Variants in CD109 observed in about 807,000 individuals in gnomAD.
CD109 encodes CD109 antigen.
Under a neutral mutation model 165.8 loss-of-function variants are expected in CD109, and 149 were observed. The ratio of observed to expected loss-of-function variants is 0.90; its 90% CI spans 0.79 to 1.03. The LOEUF is 1.03. CD109 is among the 50% of genes least tolerant of loss of function. The pLI is 0.00. For missense variants in CD109, 1,712 were observed against 1,677.8 expected, an observed-to-expected ratio of 1.02 and a Z score of -0.36; for synonymous variants, 585 against 592.1, an observed-to-expected ratio of 0.99 and a Z score of 0.18.
chr6:73,729,655 A>G lies in CD109; in HGVS notation c.277-689A>G, dbSNP rs376427101. On this transcript the variant is annotated intron_variant, in intron 3 of 32. Coordinates refer to ENST00000287097, the MANE Select transcript of CD109 (RefSeq NM_133493.5). The stretch of plus-strand genomic sequence containing the variant: ...AGCCTCCCGGAGTAGCTGGGACTAC[A>G]GGCGCATGCCACCACACCTGGGTGA... 2.1e-3 allele frequency among the ~76,000 whole-genome samples: 316 copies of G among 152,140 alleles called. 1 individual carries two copies. Among genetic ancestry groups the G allele is most frequent in the African/African-American group, 7.3e-3 (302 of 41,498 alleles).
chr6:73,762,853 T>C lies in CD109; in HGVS notation c.968T>C (p.Ile323Thr), dbSNP rs762993656. The change falls in exon 9 of 33, where the codon ATT becomes ACT. Residue 323 changes from isoleucine to threonine, a missense_variant. Coordinates refer to ENST00000287097, the MANE Select transcript of CD109 (RefSeq NM_133493.5). ...LDLSSPGPVE[I>T]LTTVTESVTG... ...CTATCTTCCCCTGGACCAGTAGAAA[T>C]TTTAACCACAGTGACAGAATCAGTT... The C allele has an allele frequency of 6.2e-7, 1 of 1,612,188 alleles. No individual in the cohort carries two copies. The highest frequency in any genetic ancestry group is 1.1e-5 in the South Asian group (1 of 90,546).
At chr6:73,711,245 G>A (rs1486190880) in intron 2 of CD109, among the ~76,000 whole-genome samples, 1 of 150,506 alleles carries the variant, frequency 6.6e-6, no homozygotes, top group South Asian at 2.1e-4. Flanking sequence ...TGTTTGACCT[G>A]CTTTTTTTTT....
chr6:73,725,591 C>G (rs1464221882), intron 3 of CD109, among the ~76,000 whole-genome samples: 1 of 146,798 alleles, frequency 6.8e-6, no homozygotes, highest in Non-Finnish European at 1.5e-5. Context: ...TCACTGCAAC[C>G]TCCGTTTCCC....
intron 27 of CD109, 23 bp downstream of exon 27, chr6:73,810,197 C>T: frequency 7.9e-7 from 1 of 1,261,614 alleles, no homozygotes; most frequent in East Asian, 2.8e-5. Context: ...AGTTTTTTCC[C>T]TTTAAACTAT....
Position 73,782,749 on chromosome 6 carries a change from AC to A in CD109, c.2100del (p.Asn700LysfsTer12). ...GAGACTTGGATTTGGCTAGACACCA[AC>A]ATGGGGTAAAAATTTATAAAGTTCT... ...FPETWIWLDT[N>X]MGYRIYQEFE... On this transcript the variant is annotated frameshift_variant, in exon 18 of 33. Transcript: ENST00000287097. LOFTEE classifies it high-confidence loss of function. 6.2e-7 allele frequency: 1 copy of A among 1,613,620 alleles called. No homozygotes were observed. The highest frequency in any genetic ancestry group is 1.7e-5 in the Admixed American group (1 of 59,918).
chr6:73,769,738 G>A (rs890501714), intron 14 of CD109, among the ~76,000 whole-genome samples: 24 of 152,220 alleles, frequency 1.6e-4, no homozygotes, highest in African/African-American at 5.8e-4. Flanking sequence ...AGTGCAAGTT[G>A]AAGCCATGGG....
intron 17 of CD109, among the ~76,000 whole-genome samples, chr6:73,782,134 G>T (rs1229968505): frequency 6.6e-6 from 1 of 152,058 alleles, no homozygotes; most frequent in African/African-American, 2.4e-5. Flanking sequence ...TCCATGCTAA[G>T]CCCCCGGGTC....
chr6:73,733,492 G>GA (rs1290539660), intron 4 of CD109, among the ~76,000 whole-genome samples: 4 of 152,278 alleles, frequency 2.6e-5, no homozygotes, highest in Admixed American at 6.5e-5. Context: ...TTTGGCAGTA[G>GA]AAAAAACATA....
chr6:73,811,877 C>G (rs1775769692), intron 28 of CD109, among the ~76,000 whole-genome samples: 3 of 151,972 alleles, frequency 2.0e-5, no homozygotes, highest in Admixed American at 2.0e-4. Context: ...GGGATTAGGC[C>G]CTGATTAAGG....
chr6:73,753,654 A>G (rs1191656729), intron 5 of CD109, among the ~76,000 whole-genome samples: 1 of 152,224 alleles, frequency 6.6e-6, no homozygotes, highest in Non-Finnish European at 1.5e-5. Flanking sequence ...GAAAAGAAGT[A>G]CTTTTCTTCC....
intron 32 of CD109, among the ~76,000 whole-genome samples, chr6:73,820,837 A>G (rs924861717): frequency 6.6e-6 from 1 of 152,224 alleles, no homozygotes; most frequent in African/African-American, 2.4e-5. Flanking sequence ...TATAAACTTT[A>G]CAAAGAAAAA....
intron 23 of CD109, 46 bp downstream of exon 23, chr6:73,792,848 T>G: frequency 1.4e-6 from 2 of 1,470,966 alleles, no homozygotes; most frequent in Non-Finnish European, 1.8e-6. Context: ...AAAAATTTGT[T>G]TTTTTCAGGT....
chr6:73,697,114 A>G (rs1444223528), intron 1 of CD109, among the ~76,000 whole-genome samples: 2 of 152,206 alleles, frequency 1.3e-5, no homozygotes, highest in Non-Finnish European at 2.9e-5. Context: ...CATTTACATC[A>G]TGGTTCCTTC....
chr6:73,714,632 C>G (rs9293938), intron 2 of CD109, among the ~76,000 whole-genome samples: 1 of 152,104 alleles, frequency 6.6e-6, no homozygotes, highest in African/African-American at 2.4e-5. Context: ...CATGTCAAAA[C>G]TGTGTAGTGT....
intron 5 of CD109, among the ~76,000 whole-genome samples, chr6:73,740,591 TTTTC>T (rs1178418447): frequency 1.3e-5 from 2 of 148,438 alleles, no homozygotes; most frequent in African/African-American, 4.9e-5. Context: ...TCTAGTTTTC[TTTTC>T]TTTCTTTCTT....
chr6:73,756,618 CT>C (rs777715032), intron 5 of CD109, 24 bp from the exon 6 acceptor site: 36 of 1,490,020 alleles, frequency 2.4e-5, no homozygotes, highest in East Asian at 4.9e-5. Flanking sequence ...ACTTTCCTGT[CT>C]TTTTTTTCTC....
Position 73,783,779 on chromosome 6 carries a change from G to A in CD109, c.2178G>A (p.Val726=), listed in dbSNP as rs1481760362. The change falls in exon 19 of 33, where the codon GTG becomes GTA. Residue 726 remains valine (V), a synonymous_variant. Coordinates refer to ENST00000287097, the MANE Select transcript of CD109 (RefSeq NM_133493.5). The part of the protein sequence containing the change: ...SITSWVATGF[V]ISEDLGLGLT... ...CTTCTTGGGTGGCTACTGGTTTTGT[G>A]ATCTCTGAGGACCTGGGTCTTGGAC... The A allele has an allele frequency of 6.2e-7, 1 of 1,612,780 alleles. No homozygotes were observed.
chr6:73,717,219 C>CT (rs34220499), intron 2 of CD109, among the ~76,000 whole-genome samples: 46,343 of 145,580 alleles, frequency 0.32, 7,148 homozygotes, highest in Admixed American at 0.36. Context: ...GTGATTCCTC[C>CT]TTTTTTTTTT....
chr6:73,723,224 C>CT lies in CD109; in HGVS notation c.248-26dup, dbSNP rs751858604. 21 of 1,612,256 alleles carry CT rather than the reference C, an allele frequency of 1.3e-5. No homozygotes were observed. In the African/African-American group the frequency reaches 2.7e-4, roughly 21 times the overall value. Reference sequence around the variant, plus strand: ...TCATCATATTCAAATTGTGCTAACTCTGTTTTCTTTCCTGTTTTCCTTGTA... The same window carrying CT: ...TCATCATATTCAAATTGTGCTAACTCTTGTTTTCTTTCCTGTTTTCCTTGTA... On this transcript the variant is annotated intron_variant, in intron 2 of 32. Transcript: ENST00000287097.
Sources: allele counts gnomAD v4.1 joint callset (sites outside exome capture counted in the v4.1 genomes callset), GRCh38; gene constraint gnomAD v4.1.1; transcripts MANE v1.5; gene names NCBI Gene and HGNC (gene_info 2026-07-23, HGNC 2026-07-21).